The following AXDND1 variants were observed in gnomAD, a reference collection of about 807,000 sequenced individuals.
AXDND1 encodes axonemal dynein light chain domain-containing protein 1.
In AXDND1, 110 loss-of-function variants were observed where a neutral mutation model predicts 137.5. The observed-to-expected ratio is 0.80, with a 90% CI of 0.69 to 0.94. The LOEUF is 0.94. AXDND1 is among the 40% of genes least tolerant of loss of function. The pLI is 0.00. For synonymous variants in AXDND1, 414 were observed against 399.7 expected (o/e 1.04, Z -0.43); for missense variants, 1,191 against 1,169.8 (o/e 1.02, Z -0.26).
chr1:179,554,066 C>T (rs1176860353), intron 25 of AXDND1, among the ~76,000 whole-genome samples: 1 of 152,082 alleles, frequency 6.6e-6, no homozygotes, highest in Non-Finnish European at 1.5e-5. Flanking sequence ...GCATGTGCTA[C>T]CACGCCCAGC....
intron 20 of AXDND1, among the ~76,000 whole-genome samples, chr1:179,505,019 A>G (rs1443216678): frequency 1.3e-5 from 2 of 152,182 alleles, no homozygotes; most frequent in Non-Finnish European, 2.9e-5. Context: ...GGTTAGTTCC[A>G]TCTTCATGAA....
intron 6 of AXDND1, among the ~76,000 whole-genome samples, chr1:179,382,032 C>G (rs1648438084): frequency 6.9e-6 from 1 of 144,364 alleles, no homozygotes; most frequent in Non-Finnish European, 1.5e-5. Context: ...GCCTTGGCCT[C>G]TGAAAGTGCT....
At chr1:179,431,286 C>T (rs1192424151) in intron 14 of AXDND1, among the ~76,000 whole-genome samples, 1 of 152,110 alleles carries the variant, frequency 6.6e-6, no homozygotes, top group Non-Finnish European at 1.5e-5. Context: ...GGATTACAGG[C>T]ATGCGCCACC....
intron 17 of AXDND1, among the ~76,000 whole-genome samples, chr1:179,474,443 G>A (rs975216356): frequency 3.3e-5 from 5 of 152,184 alleles, no homozygotes; most frequent in Non-Finnish European, 7.3e-5. Context: ...GAGACTTGTT[G>A]AATGGTTTTG....
chr1:179,511,050 C>A (rs962465670), intron 21 of AXDND1, among the ~76,000 whole-genome samples: 15 of 151,834 alleles, frequency 9.9e-5, no homozygotes, highest in African/African-American at 3.6e-4. Flanking sequence ...TCCTGTAGTC[C>A]CAGCTACTCA....
intron 21 of AXDND1, among the ~76,000 whole-genome samples, chr1:179,522,606 T>C (rs1205779802): frequency 1.3e-5 from 2 of 151,862 alleles, no homozygotes; most frequent in Non-Finnish European, 2.9e-5. Context: ...ATATAATCCA[T>C]GATATATTAT....
chr1:179,465,261 C>T (rs192031328), intron 16 of AXDND1, among the ~76,000 whole-genome samples: 15 of 152,208 alleles, frequency 9.9e-5, no homozygotes, highest in African/African-American at 3.1e-4. Context: ...TTTTATCTAC[C>T]TTTGATCTTT....
intron 6 of AXDND1, among the ~76,000 whole-genome samples, chr1:179,381,564 G>A (rs1018801808): frequency 3.3e-5 from 5 of 150,970 alleles, no homozygotes; most frequent in Admixed American, 6.6e-5. Flanking sequence ...GGCTGGTCTC[G>A]AACTCCGGAC....
chr1:179,448,089 A>G (rs1159911719), intron 16 of AXDND1: 8 of 1,032,564 alleles, frequency 7.7e-6, no homozygotes, highest in African/African-American at 1.6e-5. Flanking sequence ...TCTGCATCAT[A>G]TTATCAAATT....
intron 17 of AXDND1, among the ~76,000 whole-genome samples, chr1:179,469,283 T>C (rs1479495467): frequency 6.6e-6 from 1 of 152,168 alleles, no homozygotes; most frequent in Non-Finnish European, 1.5e-5. Flanking sequence ...TCTTTGTGTC[T>C]AACTTCTTTG....
At chr1:179,436,981 T>C (rs1057426138) in intron 15 of AXDND1, among the ~76,000 whole-genome samples, 2 of 151,820 alleles carry the variant, frequency 1.3e-5, no homozygotes, top group Admixed American at 1.3e-4. Context: ...CATGTGTAGC[T>C]TAAAATGACA....
intron 11 of AXDND1, among the ~76,000 whole-genome samples, chr1:179,408,513 A>G (rs1653333374): frequency 6.6e-6 from 1 of 151,930 alleles, no homozygotes; most frequent in South Asian, 2.1e-4. Context: ...AGTAGCTGGG[A>G]CTACAGGCAT....
At chr1:179,399,100 G>T (rs1047352480) in intron 11 of AXDND1, among the ~76,000 whole-genome samples, 1 of 152,148 alleles carries the variant, frequency 6.6e-6, no homozygotes, top group Non-Finnish European at 1.5e-5. Flanking sequence ...GTACTCACAT[G>T]TATATGTATA....
intron 13 of AXDND1, among the ~76,000 whole-genome samples, chr1:179,430,196 C>T (rs1171715938): frequency 6.6e-6 from 1 of 151,758 alleles, no homozygotes; most frequent in East Asian, 1.9e-4. Context: ...ACCACACTGC[C>T]CCTGTGAAAG....
intron 12 of AXDND1, among the ~76,000 whole-genome samples, chr1:179,418,357 G>T (rs1267042695): frequency 6.6e-6 from 1 of 152,186 alleles, no homozygotes; most frequent in Non-Finnish European, 1.5e-5. Context: ...TTCTTAGTAC[G>T]GAACAAAATG....
At chr1:179,372,980 G>A (rs1668196771) in intron 4 of AXDND1, among the ~76,000 whole-genome samples, 1 of 152,100 alleles carries the variant, frequency 6.6e-6, no homozygotes, top group Non-Finnish European at 1.5e-5. Flanking sequence ...ACCACGCCTG[G>A]CCCTCTAATT....
chr1:179,369,093 T>A, intron 3 of AXDND1, 121 bp downstream of exon 3: 1 of 1,050,310 alleles, frequency 9.5e-7, no homozygotes, highest in Admixed American at 2.8e-5. Flanking sequence ...TTAAGATTGA[T>A]TGAGACAGGG....
In AXDND1 at chr1:179,528,457, A is replaced by G. The variant is rs372872849; in HGVS notation, c.2715+26A>G. 5 of 1,484,788 alleles carry G rather than the reference A, an allele frequency of 3.4e-6. No individual in the cohort carries two copies. The African/African-American group carries it at 6.9e-5, about 21-fold the overall frequency. The allele number at this position is 1,484,788 out of a possible 1,614,324, so 92.0% of individuals were successfully genotyped here. A position where few individuals can be genotyped will look rare whatever the true frequency, so the allele number is the denominator to read the frequency against. ...GTATGTATCTGAAACCCAGCTAGGG[A>G]ATTCAACACTATTTAACATTGCATA... is the stretch of plus-strand genomic sequence containing the variant. On this transcript the variant is annotated intron_variant, in intron 23 of 25. Coordinates refer to ENST00000367618, the MANE Select transcript of AXDND1 (RefSeq NM_144696.6).
chr1:179,507,287 T>G (rs1668627495), intron 20 of AXDND1, among the ~76,000 whole-genome samples: 1 of 152,190 alleles, frequency 6.6e-6, no homozygotes, highest in East Asian at 1.9e-4. Context: ...CTGAACTCTA[T>G]AGATTATTGT....
Sources: gnomAD v4.1 joint callset for allele counts (sites outside exome capture counted in the v4.1 genomes callset) on GRCh38, gnomAD v4.1.1 for gene constraint, MANE v1.5 for transcripts, NCBI Gene and HGNC (gene_info 2026-07-23, HGNC 2026-07-21) for gene names.